NRDE2: variants seen among roughly 807,000 people sequenced by gnomAD.
NRDE2 encodes nuclear exosome regulator NRDE2.
A neutral mutation model predicts 124.2 loss-of-function variants in NRDE2; 76 were observed. That is an observed-to-expected ratio of 0.61 (90% CI 0.51 to 0.74). NRDE2 has a LOEUF of 0.74. Among genes scored for constraint, NRDE2 ranks in the 30% least tolerant of loss-of-function variants. The probability of loss-of-function intolerance (pLI) is 0.00; values close to 1 mark genes in which losing one functional copy is unlikely to be tolerated. For missense variants in NRDE2, 1,314 were observed against 1,417.3 expected (o/e 0.93, Z 1.17); for synonymous variants, 489 against 528.1 (o/e 0.93, Z 1.01).
chr14:90,304,235 A>G lies in NRDE2; in HGVS notation c.705T>C (p.Asp235=), dbSNP rs1483957141. ...TKKSVGLMNI[D]GVAISSKTEP... is the part of the protein sequence containing the mutation. ...CAGTTTTACTGCTAATGGCAACTCC[A>G]TCGATGTTCATTAATCCCACACTCT... Residue 235 remains aspartate, a synonymous_variant, in exon 5 of 14, where the codon GAT becomes GAC. Transcript: ENST00000354366. 6.2e-7 allele frequency: 1 copy of G among 1,614,016 alleles called. No individual in the cohort carries two copies. Among genetic ancestry groups the G allele is most frequent in the Non-Finnish European group, 8.5e-7 (1 of 1,180,036 alleles).
Position 90,278,238 on chromosome 14 carries a change from C to G in NRDE2, c.*98G>C. On this transcript the variant is annotated 3_prime_UTR_variant, in exon 14 of 14. Coordinates refer to ENST00000354366, the MANE Select transcript of NRDE2 (RefSeq NM_017970.4). ...CTATCGAGAAAGAACATTTCAAAAGCCGAGTTCTCCTAACACACACGTTCT... is the reference window on the plus strand; with the variant it reads ...CTATCGAGAAAGAACATTTCAAAAGGCGAGTTCTCCTAACACACACGTTCT... The G allele has an allele frequency of 3.5e-6, 5 of 1,426,980 alleles. No homozygotes were observed. Among genetic ancestry groups the G allele is most frequent in the Non-Finnish European group, 4.9e-6 (5 of 1,029,044 alleles). The allele number at this position is 1,426,980 out of a possible 1,614,324, so 88.4% of individuals were successfully genotyped here. A position where few individuals can be genotyped will look rare whatever the true frequency, so the allele number is the denominator to read the frequency against.
In NRDE2 at chr14:90,304,197, G is replaced by T; in HGVS notation, c.743C>A (p.Ser248Tyr). 6.2e-7 allele frequency: 1 copy of T among 1,614,218 alleles called. No homozygotes were observed. The highest frequency in any genetic ancestry group is 8.5e-7 in the Non-Finnish European group (1 of 1,180,038). The change falls in exon 5 of 14, where the codon TCT becomes TAT. Residue 248 changes from serine (S) to tyrosine (Y), a missense_variant. Physicochemically the swap from Ser to Tyr is moderately radical, Grantham distance 144 (BLOSUM62 -2). Coordinates refer to ENST00000354366, the MANE Select transcript of NRDE2 (RefSeq NM_017970.4). ...CACTGGTATAAAGGAGATGGGCTCA[G>T]ATGAGGGAGGTTCAGTTTTACTGCT... is the stretch of plus-strand genomic sequence containing the variant. ...AISSKTEPPS[S>Y]EPISFIPVKD...
At chr14:90,305,404 C>G (rs540626112) in intron 4 of NRDE2, among the ~76,000 whole-genome samples, 1 of 152,348 alleles carries the variant, frequency 6.6e-6, no homozygotes, top group East Asian at 1.9e-4. Context: ...ACCTATGACC[C>G]AGCAATTCTA....
intron 1 of NRDE2, among the ~76,000 whole-genome samples, chr14:90,321,168 TA>T (rs1885227007): frequency 2.6e-5 from 4 of 152,154 alleles, no homozygotes; most frequent in Admixed American, 2.6e-4. Context: ...GAAGAAAATG[TA>T]AAGAAATACA....
chr14:90,311,383 C>A (rs565325738), intron 4 of NRDE2, among the ~76,000 whole-genome samples: 1 of 152,098 alleles, frequency 6.6e-6, no homozygotes, highest in East Asian at 1.9e-4. Flanking sequence ...ATAATCCCCA[C>A]GTGTTGTGGG....
In NRDE2 at chr14:90,278,080, G is replaced by GA; in HGVS notation, c.*255dup. 1 of 357,924 alleles carries GA rather than the reference G, an allele frequency of 2.8e-6. No homozygotes were observed. Among genetic ancestry groups the GA allele is most frequent in the South Asian group, 3.5e-5 (1 of 28,694 alleles). 22.2% of individuals were successfully genotyped at this position (357,924 alleles called of 1,614,324 possible). A position where few individuals can be genotyped will look rare whatever the true frequency, so the allele number is the denominator to read the frequency against. On this transcript the variant is annotated 3_prime_UTR_variant, in exon 14 of 14. Coordinates refer to ENST00000354366, the MANE Select transcript of NRDE2 (RefSeq NM_017970.4). ...ACGCCTCAATCATCATCGGTTTAAT[G>GA]ACCACGTGGCATGACTCTCTGGCTA...
chr14:90,287,033 C>CAAAAAAAAAAAAAAA (rs60863011), intron 11 of NRDE2, among the ~76,000 whole-genome samples: 1 of 23,816 alleles, frequency 4.2e-5, no homozygotes, highest in Non-Finnish European at 8.5e-5. Context: ...GACTCCGTCT[C>CAAAAAAAAAAAAAAA]AAAAAAAAAA....
chr14:90,303,348 T>C (rs1884475239), intron 5 of NRDE2, among the ~76,000 whole-genome samples: 2 of 152,236 alleles, frequency 1.3e-5, no homozygotes, highest in South Asian at 4.1e-4. Context: ...ATTTTAAGCT[T>C]TGATTTCTGC....
At chr14:90,278,708 T>G (rs962475315) in intron 13 of NRDE2, 1 of 545,094 alleles carries the variant, frequency 1.8e-6, no homozygotes, top group Non-Finnish European at 3.3e-6. Flanking sequence ...CAGGAATTGC[T>G]GGCCGTCGCC....
Position 90,288,959 on chromosome 14 carries a change from CTG to C in NRDE2, c.2414_2415del (p.Thr805SerfsTer14). ...TCTCTGCTTCCTGCCATGCCAAGTG[CTG>C]TGTCAAAAACTTTTCTGGCATCCTC... is the stretch of plus-strand genomic sequence containing the variant. ...NTEDARKVFD[T>X]ALGMAGSREL... On this transcript the variant is annotated frameshift_variant, in exon 11 of 14. Transcript: ENST00000354366. LOFTEE classifies it high-confidence loss of function. The C allele has an allele frequency of 6.2e-7, 1 of 1,612,242 alleles. No homozygotes were observed. The highest frequency in any genetic ancestry group is 8.5e-7 in the Non-Finnish European group (1 of 1,178,374).
At chr14:90,299,502 G>A (rs1361845073) in intron 7 of NRDE2, among the ~76,000 whole-genome samples, 1 of 152,206 alleles carries the variant, frequency 6.6e-6, no homozygotes, top group East Asian at 1.9e-4. Flanking sequence ...GTTATCAACT[G>A]GAAACAGGAC....
intron 4 of NRDE2, among the ~76,000 whole-genome samples, chr14:90,312,096 C>G (rs1191047343): frequency 6.6e-6 from 1 of 152,156 alleles, no homozygotes; most frequent in African/African-American, 2.4e-5. Flanking sequence ...TAGTCTGTCA[C>G]AATTAATTAT....
Position 90,269,850 on chromosome 14 carries a change from T to C in NRDE2, c.*8486A>G. ...AGAAATAATTCATGTGATGGTAGGA[T>C]TTGTCCTTTTTACATTCAGGTAGCA... is the stretch of plus-strand genomic sequence containing the variant. On this transcript the variant is annotated 3_prime_UTR_variant, in exon 14 of 14. Transcript: ENST00000354366. 5.1e-6 allele frequency: 2 copies of C among 394,356 alleles called. No individual in the cohort carries two copies. The highest frequency in any genetic ancestry group is 4.8e-5 in the South Asian group (1 of 20,888). 24.4% of individuals were successfully genotyped at this position (394,356 alleles called of 1,614,324 possible).
At chr14:90,303,907 G>T (rs1265956669) in intron 5 of NRDE2, 28 bp downstream of exon 5, 1 of 1,560,458 alleles carries the variant, frequency 6.4e-7, no homozygotes, top group Admixed American at 1.8e-5. Flanking sequence ...TCCTTCTAAG[G>T]TAAGAGAATT....
At chr14:90,295,944 C>T (rs1349373877) in intron 8 of NRDE2, among the ~76,000 whole-genome samples, 1 of 152,196 alleles carries the variant, frequency 6.6e-6, no homozygotes, top group African/African-American at 2.4e-5. Flanking sequence ...TAACTTGATG[C>T]TAAAAGTCAA....
chr14:90,327,182 G>T (rs12880102), intron 1 of NRDE2, among the ~76,000 whole-genome samples: 48,479 of 152,064 alleles, frequency 0.32, 8,953 homozygotes, highest in East Asian at 0.51. Context: ...CCAACTCCAG[G>T]CCACAAGAGA....
intron 4 of NRDE2, among the ~76,000 whole-genome samples, chr14:90,311,837 G>C (rs896922933): frequency 6.6e-6 from 1 of 152,118 alleles, no homozygotes; most frequent in African/African-American, 2.4e-5. Flanking sequence ...GGTTGGACAA[G>C]TTTGGTCTAA....
chr14:90,278,521 G>A (rs1440420991), intron 13 of NRDE2, 60 bp from the exon 14 acceptor site: 34 of 1,598,782 alleles, frequency 2.1e-5, no homozygotes, highest in Non-Finnish European at 2.8e-5. Flanking sequence ...GCCTGGAGGA[G>A]CTCAGGAAGC....
chr14:90,311,880 G>T (rs1884854096), intron 4 of NRDE2, among the ~76,000 whole-genome samples: 1 of 152,162 alleles, frequency 6.6e-6, no homozygotes, highest in Admixed American at 6.5e-5. Context: ...ATTTTTGATT[G>T]CCAAATTAGA....
Sources: allele counts gnomAD v4.1 joint callset (sites outside exome capture counted in the v4.1 genomes callset), GRCh38; gene constraint gnomAD v4.1.1; transcripts MANE v1.5; gene names NCBI Gene and HGNC (gene_info 2026-07-23, HGNC 2026-07-21).